The following PCDHGA8 variants were observed in gnomAD, a reference collection of about 807,000 sequenced individuals.
The protein encoded by PCDHGA8 is protocadherin gamma subfamily A, 8.
PCDHGA8 carries 45 observed loss-of-function variants against 59.2 expected under a neutral mutation model. The ratio of observed to expected loss-of-function variants is 0.76; its 90% CI spans 0.60 to 0.98. The LOEUF is 0.98. PCDHGA8 is among the 50% of genes least tolerant of loss of function. The pLI is 0.00. For missense variants in PCDHGA8, 1,257 were observed against 1,196.2 expected (o/e 1.05, Z -0.75); for synonymous variants, 531 against 519.0 (o/e 1.02, Z -0.32).
chr5:141,491,850 T>C lies in PCDHGA8; in HGVS notation c.2425-2957T>C. ...CCCGATTCTCGGGATCATTGGACCG[T>C]TTGCGCGAAACCAGAGTGGCCGATT... On this transcript the variant is annotated intron_variant, in intron 1 of 3. Transcript: ENST00000398604. The surrounding 1 kb of genome is among the most constrained non-coding windows in gnomAD (Gnocchi z 6.9). 6.8e-7 allele frequency: 1 copy of C among 1,460,996 alleles called. No homozygotes were observed. The highest frequency in any genetic ancestry group is 2.5e-5 in the East Asian group (1 of 40,084). The allele number at this position is 1,460,996 out of a possible 1,614,324, so 90.5% of individuals were successfully genotyped here.
In PCDHGA8 at chr5:141,404,612, G is replaced by A. The variant is rs774633321; in HGVS notation, c.2424+9375G>A. 2 of 1,614,110 alleles carry A rather than the reference G, an allele frequency of 1.2e-6. No homozygotes were observed. The highest frequency in any genetic ancestry group is 3.3e-5 in the Admixed American group (2 of 60,022). ...TGTGTCATTGAGACTGTTTGTTTTG[G>A]ACCAGAATGACAATGCCCCAGAAAT... On this transcript the variant is annotated intron_variant, in intron 1 of 3. Transcript: ENST00000398604.
At chr5:141,438,591 C>CATATATATATATATATATAT (rs946798767) in intron 1 of PCDHGA8, among the ~76,000 whole-genome samples, 1 of 75,562 alleles carries the variant, frequency 1.3e-5, no homozygotes, top group Non-Finnish European at 2.7e-5. Context: ...TACATACATA[C>CATATATATATATATATATAT]ATATATATAT....
chr5:141,460,950 T>C (rs1458616371), intron 1 of PCDHGA8, among the ~76,000 whole-genome samples: 1 of 135,948 alleles, frequency 7.4e-6, no homozygotes, highest in East Asian at 2.0e-4. Flanking sequence ...ATATGTATTA[T>C]GTATATATAT....
intron 3 of PCDHGA8, among the ~76,000 whole-genome samples, chr5:141,506,473 G>A (rs976701500): frequency 2.7e-4 from 40 of 150,506 alleles, no homozygotes; most frequent in Admixed American, 1.5e-3. Flanking sequence ...AAAGAGCACA[G>A]GCTTTAGAGG....
At chr5:141,443,059 A>G (rs148799842) in intron 1 of PCDHGA8, among the ~76,000 whole-genome samples, 145 of 152,348 alleles carry the variant, frequency 9.5e-4, no homozygotes, top group African/African-American at 3.3e-3. Context: ...GTTCCACTGA[A>G]GAGCGTCTTA....
Position 141,491,458 on chromosome 5 carries a change from G to C in PCDHGA8, c.2425-3349G>C. 1 of 1,614,092 alleles carries C rather than the reference G, an allele frequency of 6.2e-7. No individual in the cohort carries two copies. The highest frequency in any genetic ancestry group is 8.5e-7 in the Non-Finnish European group (1 of 1,180,022). On this transcript the variant is annotated intron_variant, in intron 1 of 3. Coordinates refer to ENST00000398604, the MANE Select transcript of PCDHGA8 (RefSeq NM_032088.2). The surrounding 1 kb of genome is among the most constrained non-coding windows in gnomAD (Gnocchi z 6.9). Reference sequence around the variant, plus strand: ...CAGGCGCCAGGACTCACCCTCCCCGGACTTCTATAAGCAGTCCAGCCCCAA... The same window carrying C: ...CAGGCGCCAGGACTCACCCTCCCCGCACTTCTATAAGCAGTCCAGCCCCAA...
chr5:141,421,433 C>T, intron 1 of PCDHGA8: 1 of 1,614,074 alleles, frequency 6.2e-7, no homozygotes, highest in African/African-American at 1.3e-5. Flanking sequence ...CGCATCGTCT[C>T]CAGAGGGAAG....
chr5:141,424,750 A>T (rs2096838482), intron 1 of PCDHGA8: 1 of 152,114 alleles, frequency 6.6e-6, no homozygotes, highest in Admixed American at 6.5e-5. Context: ...CTTTCTTTAT[A>T]AGGTCATTCT....
intron 1 of PCDHGA8, among the ~76,000 whole-genome samples, chr5:141,469,821 G>A (rs2099212107): frequency 6.6e-6 from 1 of 152,028 alleles, no homozygotes; most frequent in Admixed American, 6.6e-5. Flanking sequence ...TAGAATGGAG[G>A]TCACATAAAA....
At chr5:141,479,084 G>A (rs749298402) in intron 1 of PCDHGA8, among the ~76,000 whole-genome samples, 19 of 152,016 alleles carry the variant, frequency 1.2e-4, no homozygotes, top group Non-Finnish European at 1.9e-4. Flanking sequence ...GAAATTCCAG[G>A]CATCCTTTAA....
chr5:141,398,145 G>A, intron 1 of PCDHGA8: 2 of 1,520,796 alleles, frequency 1.3e-6, no homozygotes, highest in Admixed American at 4.8e-5. Context: ...GCGGCGCCGG[G>A]GAGCTGGGCC....
Position 141,392,894 on chromosome 5 carries a change from G to A in PCDHGA8, c.81G>A (p.Gly27=), listed in dbSNP as rs1327938971. ...CALLGTLWEI[G]RGQIRYSVPE... ...TGCTGGGAACGCTGTGGGAAATCGG[G>A]AGGGGACAGATTCGCTACTCTGTGC... Residue 27 remains glycine, a synonymous_variant, in exon 1 of 4, where the codon GGG becomes GGA. Transcript: ENST00000398604. The A allele has an allele frequency of 8.7e-6, 14 of 1,613,802 alleles. No homozygotes were observed. Among genetic ancestry groups the A allele is most frequent in the Non-Finnish European group, 1.2e-5 (14 of 1,179,874 alleles).
At chr5:141,507,786 G>A (rs536470814) in intron 3 of PCDHGA8, among the ~76,000 whole-genome samples, 3 of 152,292 alleles carry the variant, frequency 2.0e-5, no homozygotes, top group East Asian at 1.9e-4. Context: ...CCTGACCCTC[G>A]TCTAAGCCTG....
At chr5:141,403,596 C>G (rs746360206) in intron 1 of PCDHGA8, 16 of 1,613,650 alleles carry the variant, frequency 9.9e-6, no homozygotes, top group African/African-American at 2.7e-5. Flanking sequence ...CTCACGGCCT[C>G]GGATGGCGGC....
At chr5:141,414,883 G>A (rs572616023) in intron 1 of PCDHGA8, 1 of 1,614,176 alleles carries the variant, frequency 6.2e-7, no homozygotes, top group South Asian at 1.1e-5. Context: ...CCTGTACCCC[G>A]CCCTCCCCAC....
Position 141,430,800 on chromosome 5 carries a change from T to C in PCDHGA8, c.2424+35563T>C, listed in dbSNP as rs770490590. 2.6e-6 allele frequency: 4 copies of C among 1,524,818 alleles called. No homozygotes were observed. In the South Asian group the frequency reaches 5.3e-5, roughly 20 times the overall value. 94.5% of individuals were successfully genotyped at this position (1,524,818 alleles called of 1,614,324 possible). A position where few individuals can be genotyped will look rare whatever the true frequency, so the allele number is the denominator to read the frequency against. ...CTGCACCGGGACTACAAAGGGCTTG[T>C]CCTGCTGGGAATCCTCCTGGGGACT... is the stretch of plus-strand genomic sequence containing the variant. On this transcript the variant is annotated intron_variant, in intron 1 of 3. Transcript: ENST00000398604.
chr5:141,414,515 C>T, intron 1 of PCDHGA8: 1 of 1,613,958 alleles, frequency 6.2e-7, no homozygotes, highest in Non-Finnish European at 8.5e-7. Flanking sequence ...CTACAAGTGG[C>T]AGATATCAAT....
Position 141,486,676 on chromosome 5 carries a change from T to A in PCDHGA8, c.2425-8131T>A, listed in dbSNP as rs375080564. On this transcript the variant is annotated intron_variant, in intron 1 of 3. Coordinates refer to ENST00000398604, the MANE Select transcript of PCDHGA8 (RefSeq NM_032088.2). This position sits in a 1 kb window ranked among gnomAD's most constrained non-coding sequence, Gnocchi z 5.0. ...CACTCCTGGAGCCCAGGAATCGAGA[T>A]GTATCAGCTTCCTCTTTCATCTCTC... 3 of 1,614,002 alleles carry A rather than the reference T, an allele frequency of 1.9e-6. No homozygotes were observed. The highest frequency in any genetic ancestry group is 2.5e-6 in the Non-Finnish European group (3 of 1,180,036).
In PCDHGA8 at chr5:141,399,498, A is replaced by G. The variant is rs539360572; in HGVS notation, c.2424+4261A>G. The G allele has an allele frequency of 1.4e-5, 22 of 1,614,002 alleles. No individual in the cohort carries two copies. The African/African-American group carries it at 2.5e-4, about 19-fold the overall frequency. On this transcript the variant is annotated intron_variant, in intron 1 of 3. Coordinates refer to ENST00000398604, the MANE Select transcript of PCDHGA8 (RefSeq NM_032088.2). Reference sequence around the variant, plus strand: ...ACCAGGCGTCCTACTTAGTCAGTGTACCCGAAAACAACCCTCCTGGGGCCT... The same window carrying G: ...ACCAGGCGTCCTACTTAGTCAGTGTGCCCGAAAACAACCCTCCTGGGGCCT...
Sources: gnomAD v4.1 joint callset for allele counts (sites outside exome capture counted in the v4.1 genomes callset) on GRCh38, gnomAD v4.1.1 for gene constraint, Gnocchi (gnomAD v3.1) non-coding constraint, MANE v1.5 for transcripts, NCBI Gene and HGNC (gene_info 2026-07-23, HGNC 2026-07-21) for gene names.